The following TTC3 variants were observed in gnomAD, a reference collection of about 807,000 sequenced individuals.
The protein encoded by TTC3 is tetratricopeptide repeat domain 3, also known as E3 ubiquitin-protein ligase TTC3.
A neutral mutation model predicts 249.6 loss-of-function variants in TTC3; 180 were observed. The ratio of observed to expected loss-of-function variants is 0.72; its 90% CI spans 0.64 to 0.82. The LOEUF is 0.82. Ranked by LOEUF, TTC3 falls within the 40% of genes least tolerant of loss-of-function variation. The probability of loss-of-function intolerance (pLI) is 0.00; values close to 1 mark genes in which losing one functional copy is unlikely to be tolerated. For missense variants in TTC3, 2,061 were observed against 2,398.4 expected (o/e 0.86, Z 2.94); for synonymous variants, 717 against 805.0 (o/e 0.89, Z 1.85).
intron 6 of TTC3, 29 bp from the exon 7 acceptor site, chr21:37,091,263 GC>G: frequency 6.3e-7 from 1 of 1,597,020 alleles, no homozygotes; most frequent in Non-Finnish European, 8.5e-7. Flanking sequence ...AATAACCAAA[GC>G]CCCATTCTTC....
intron 17 of TTC3, among the ~76,000 whole-genome samples, chr21:37,134,171 G>T (rs963037120): frequency 2.0e-5 from 3 of 152,180 alleles, no homozygotes; most frequent in African/African-American, 7.2e-5. Flanking sequence ...GCCAGCAGAG[G>T]CCGGGTGCAG....
chr21:37,109,510 G>C (rs2075414798), intron 11 of TTC3, among the ~76,000 whole-genome samples: 1 of 152,244 alleles, frequency 6.6e-6, no homozygotes, highest in African/African-American at 2.4e-5. Context: ...AGCGAGGCTG[G>C]AGGAGGGGCG....
chr21:37,088,311 C>T lies in TTC3; in HGVS notation c.303C>T (p.Ser101=), dbSNP rs773181052. The T allele has an allele frequency of 5.3e-5, 85 of 1,612,834 alleles. 2 individuals are homozygous for T. The highest frequency in any genetic ancestry group is 3.3e-4 in the South Asian group (30 of 90,946). The stretch of plus-strand genomic sequence containing the variant: ...TTCTGTTTCAACATCAAAACAGTTC[C>T]GTAATATCACGATTGCATCCCTGTG... Residue 101 remains serine, a synonymous_variant, in exon 4 of 46, where the codon TCC becomes TCT. Coordinates refer to ENST00000355666, the Ensembl canonical transcript of TTC3.
chr21:37,176,319 G>T (rs950586457), intron 35 of TTC3, among the ~76,000 whole-genome samples: 1 of 152,070 alleles, frequency 6.6e-6, no homozygotes, highest in African/African-American at 2.4e-5. Context: ...TCTAATTCCA[G>T]AAAACTTTTA....
At chr21:37,175,167 G>A (rs1601992714) in intron 35 of TTC3, among the ~76,000 whole-genome samples, 1 of 150,526 alleles carries the variant, frequency 6.6e-6, no homozygotes, top group East Asian at 2.0e-4. Context: ...AGGAGGCTGA[G>A]GCAGGAGAAT....
Position 37,143,911 on chromosome 21 carries a change from C to A in TTC3, c.1773-614C>A, listed in dbSNP as rs11911279. Among the ~76,000 whole-genome samples the A allele has an allele frequency of 6.9e-3, 961 of 138,334 alleles. 29 individuals are homozygous for A. Among genetic ancestry groups the A allele is most frequent in the African/African-American group, 0.025 (898 of 35,988 alleles). The allele number at this position is 138,334 out of a possible 152,430, so 90.8% of individuals were successfully genotyped here. A position where few individuals can be genotyped will look rare whatever the true frequency, so the allele number is the denominator to read the frequency against. On this transcript the variant is annotated intron_variant, in intron 20 of 45. Coordinates refer to ENST00000355666, the Ensembl canonical transcript of TTC3. The stretch of plus-strand genomic sequence containing the variant: ...ATATACACCATGGAATACTAAGCAG[C>A]CATAAAAAAGGATGAGTTCATGTCC...
chr21:37,197,549 A>G, intron 42 of TTC3, 21 bp from the exon 43 acceptor site: 1 of 1,611,824 alleles, frequency 6.2e-7, no homozygotes, highest in Non-Finnish European at 8.5e-7. Context: ...GTTGTCATTC[A>G]TCACTCACTC....
chr21:37,135,301 T>C, intron 17 of TTC3, 79 bp from the exon 18 acceptor site: 1 of 1,416,842 alleles, frequency 7.1e-7, no homozygotes, highest in South Asian at 1.4e-5. Flanking sequence ...TATAAAATAT[T>C]ACTATGAACT....
intron 15 of TTC3, among the ~76,000 whole-genome samples, chr21:37,127,664 T>C (rs527840683): frequency 1.3e-5 from 2 of 152,198 alleles, no homozygotes; most frequent in African/African-American, 2.4e-5. Flanking sequence ...GTTGATTTTT[T>C]AGTTAGTGAT....
chr21:37,150,728 T>G lies in TTC3; in HGVS notation c.2212-92T>G, dbSNP rs370993975. On this transcript the variant is annotated intron_variant, in intron 24 of 45. Transcript: ENST00000355666. The stretch of plus-strand genomic sequence containing the variant: ...CTGTTCTCTATCAAACTGAACATTA[T>G]GTGTGCTTCTGAAATACTTGTTACT... 74 of 834,834 alleles carry G rather than the reference T, an allele frequency of 8.9e-5. No homozygotes were observed. The East Asian group carries it at 1.5e-3, about 16-fold the overall frequency. The allele number at this position is 834,834 out of a possible 1,614,324, so 51.7% of individuals were successfully genotyped here. A position where few individuals can be genotyped will look rare whatever the true frequency, so the allele number is the denominator to read the frequency against.
At chr21:37,159,713 G>A (rs1195139431) in exon 29 of TTC3, 2 of 1,613,740 alleles carry the variant, frequency 1.2e-6, no homozygotes, top group Middle Eastern at 1.6e-4. Context: ...CCGCTGTACT[G>A]TGTTAAGGAA....
intron 36 of TTC3, among the ~76,000 whole-genome samples, chr21:37,184,629 A>T (rs1288665781): frequency 2.2e-3 from 264 of 121,398 alleles, no homozygotes; most frequent in African/African-American, 2.5e-3. Flanking sequence ...TAATTTTTCT[A>T]TTTTTTTTTT....
chr21:37,132,734 C>T lies in TTC3; in HGVS notation c.1411C>T (p.Gln471Ter). 2 of 1,607,988 alleles carry T rather than the reference C, an allele frequency of 1.2e-6. No homozygotes were observed. Among genetic ancestry groups the T allele is most frequent in the South Asian group, 2.2e-5 (2 of 89,364 alleles). The change falls in exon 17 of 46, where the codon CAG (glutamine) becomes TAG (stop). Residue 471 changes from glutamine to a stop codon, truncating the protein, a stop_gained. Transcript: ENST00000355666. LOFTEE classifies it high-confidence loss of function. ...AGATTTGAAGAACATCTTGGAGAAACAGTTTTCTAAATCTTCCAGAGCTGC... is the reference window on the plus strand; with the variant it reads ...AGATTTGAAGAACATCTTGGAGAAATAGTTTTCTAAATCTTCCAGAGCTGC...
At chr21:37,191,468 A>G in intron 40 of TTC3, 44 bp downstream of exon 40, 2 of 1,294,880 alleles carry the variant, frequency 1.5e-6, no homozygotes, top group Non-Finnish European at 2.1e-6. Flanking sequence ...TCTTTATGAT[A>G]GTTATAATTC....
intron 39 of TTC3, among the ~76,000 whole-genome samples, chr21:37,189,260 T>C (rs144666058): frequency 3.4e-4 from 52 of 152,334 alleles, no homozygotes; most frequent in African/African-American, 1.2e-3. Context: ...TTGTTTGTTT[T>C]TTTGCGACAG....
chr21:37,114,087 A>G (rs1048684169), intron 11 of TTC3, among the ~76,000 whole-genome samples: 10 of 152,250 alleles, frequency 6.6e-5, no homozygotes, highest in African/African-American at 2.2e-4. Flanking sequence ...TAAAAACCCT[A>G]GAAGAAAACC....
intron 1 of TTC3, chr21:37,082,882 G>A: frequency 1.0e-6 from 1 of 976,400 alleles, no homozygotes; most frequent in Non-Finnish European, 1.2e-6. Flanking sequence ...TACCAAGCAA[G>A]CTTTCTTGGT....
chr21:37,102,502 G>C (rs573576118), intron 10 of TTC3, among the ~76,000 whole-genome samples: 2 of 152,298 alleles, frequency 1.3e-5, no homozygotes, highest in African/African-American at 2.4e-5. Context: ...TATTACTGAT[G>C]CAATTGGAGA....
exon 15 of TTC3, chr21:37,126,120 A>G (rs2077028969): frequency 6.2e-7 from 1 of 1,611,416 alleles, no homozygotes; most frequent in South Asian, 1.1e-5. Context: ...TGTGACTGTC[A>G]TCCTGAATTT....
Sources: allele counts gnomAD v4.1 joint callset (sites outside exome capture counted in the v4.1 genomes callset), GRCh38; gene constraint gnomAD v4.1.1; transcripts MANE v1.5; gene names NCBI Gene and HGNC (gene_info 2026-07-23, HGNC 2026-07-21).